Variants in PEX1 observed in about 807,000 individuals in gnomAD.
PEX1 encodes the protein peroxisomal ATPase PEX1.
Under a neutral mutation model 152.5 loss-of-function variants are expected in PEX1, and 97 were observed. The ratio of observed to expected loss-of-function variants is 0.64; its 90% CI spans 0.54 to 0.75. The LOEUF is 0.75. Ranked by LOEUF, PEX1 falls within the 30% of genes least tolerant of loss-of-function variation. The probability of loss-of-function intolerance (pLI) is 0.00; values close to 1 mark genes in which losing one functional copy is unlikely to be tolerated. For synonymous variants in PEX1, 485 were observed against 531.6 expected, an observed-to-expected ratio of 0.91 and a Z score of 1.21; for missense variants, 1,357 against 1,516.3, an observed-to-expected ratio of 0.89 and a Z score of 1.74.
In PEX1 at chr7:92,494,334, C is replaced by T; in HGVS notation, c.2989G>A (p.Gly997Ser). The change falls in exon 19 of 24, where the codon GGT becomes AGT. Residue 997 changes from glycine to serine, a missense_variant. Transcript: ENST00000248633. ...DLIDPALLRP[G>S]RLDKCVYCPP... ...CAGTATACACATTTATCTAGTCGACCAGGCCTAAGCAGGGCAGGGTCAATC... is the reference window on the plus strand; with the variant it reads ...CAGTATACACATTTATCTAGTCGACTAGGCCTAAGCAGGGCAGGGTCAATC... 6.2e-7 allele frequency: 1 copy of T among 1,613,952 alleles called. No individual in the cohort carries two copies. The highest frequency in any genetic ancestry group is 8.5e-7 in the Non-Finnish European group (1 of 1,179,954).
chr7:92,516,001 GAAAA>G (rs1229395805), intron 5 of PEX1, among the ~76,000 whole-genome samples: 25 of 114,210 alleles, frequency 2.2e-4, no homozygotes, highest in African/African-American at 1.0e-3. Context: ...CTCAAAAAAA[GAAAA>G]GAAAAGAGAA....
intron 16 of PEX1, among the ~76,000 whole-genome samples, chr7:92,498,299 T>A (rs1436597411): frequency 6.7e-6 from 1 of 148,990 alleles, no homozygotes; most frequent in East Asian, 2.0e-4. Context: ...AGGTCAGGAG[T>A]TCAAGACCAG....
At chr7:92,506,668 A>G (rs1381768684) in intron 10 of PEX1, 2 of 494,034 alleles carry the variant, frequency 4.0e-6, no homozygotes, top group Non-Finnish European at 7.3e-6. Context: ...TATTTATCAC[A>G]GGTATGCAAG....
At chr7:92,491,759 C>G (rs1044789363) in intron 20 of PEX1, 2 of 452,786 alleles carry the variant, frequency 4.4e-6, no homozygotes, top group Non-Finnish European at 8.0e-6. Context: ...AGACTCAGAC[C>G]TCTGGGCTTT....
chr7:92,513,637 G>C (rs922568225), intron 6 of PEX1, among the ~76,000 whole-genome samples: 1 of 152,064 alleles, frequency 6.6e-6, no homozygotes, highest in Non-Finnish European at 1.5e-5. Flanking sequence ...AGTGGTGATG[G>C]TTGTACAATA....
chr7:92,519,178 A>ATG (rs1792944114), intron 2 of PEX1, 100 bp from the exon 3 acceptor site: 1 of 705,452 alleles, frequency 1.4e-6, no homozygotes, highest in East Asian at 2.7e-5. Flanking sequence ...GGTTAAGTAG[A>ATG]TGTGTGTGTA....
rs771463817 is a variant in PEX1, at chr7:92,492,944, A to G, written c.3207+9T>C. The G allele has an allele frequency of 1.2e-6, 2 of 1,607,868 alleles. No homozygotes were observed. Among genetic ancestry groups the G allele is most frequent in the Non-Finnish European group, 1.7e-6 (2 of 1,174,312 alleles). ...TAAAATGTCATAACAACTTCCTCAT[A>G]TAACTTGCCTGGAGTCCACTCGAGA... On this transcript the variant is annotated intron_variant, in intron 20 of 23. Transcript: ENST00000248633.
Position 92,517,573 on chromosome 7 carries a change from T to C in PEX1, c.942A>G (p.Val314=). 1 of 1,614,100 alleles carries C rather than the reference T, an allele frequency of 6.2e-7. No homozygotes were observed. The highest frequency in any genetic ancestry group is 1.3e-5 in the African/African-American group (1 of 75,042). ...CAAAATATTCCTGGTCCCATGGAAA[T>C]ACATGAATGGCACAGTGTTTATGAA... is the stretch of plus-strand genomic sequence containing the variant. ...SVFHKHCAIH[V]FPWDQEYFDV... Residue 314 remains valine, a synonymous_variant, in exon 5 of 24, where the codon GTA becomes GTG. Transcript: ENST00000248633.
intron 17 of PEX1, 115 bp from the exon 18 acceptor site, chr7:92,494,744 CTTT>C (rs1283680572): frequency 1.1e-5 from 7 of 617,092 alleles, no homozygotes; most frequent in Non-Finnish European, 1.7e-5. Context: ...TTATATACTT[CTTT>C]TAATTTTTAC....
intron 13 of PEX1, 142 bp downstream of exon 13, chr7:92,502,899 C>T (rs1341132129): frequency 6.8e-6 from 5 of 735,030 alleles, no homozygotes; most frequent in Non-Finnish European, 1.2e-5. Flanking sequence ...GCCTCTAGCA[C>T]AATATGCACC....
rs1484321655 is a variant in PEX1, at chr7:92,493,122, C to G, written c.3038G>C (p.Arg1013Pro). The change falls in exon 20 of 24, where the codon CGT (arginine) becomes CCT (proline). Residue 1013 changes from arginine (R) to proline (P), a missense_variant. Arg to Pro is a moderately radical substitution (Grantham distance 103). Transcript: ENST00000248633. ...ACTGAGGACATTTAAAATTTCAAGA[C>G]GTGACACCTGAAAGGAGAAAAATTT... ...VYCPPPDQVSRLEILNVLSDS... is the reference protein window; with the variant it reads ...VYCPPPDQVSPLEILNVLSDS... The G allele has an allele frequency of 6.3e-7, 1 of 1,589,648 alleles. No individual in the cohort carries two copies. Among genetic ancestry groups the G allele is most frequent in the Non-Finnish European group, 8.6e-7 (1 of 1,162,200 alleles).
In PEX1 at chr7:92,509,149, C is replaced by T. The variant is rs553651310; in HGVS notation, c.1670+180G>A. On this transcript the variant is annotated intron_variant, in intron 9 of 23. Transcript: ENST00000248633. ...AAAAATAAAGAGAAAAAAAAAAAGA[C>T]GACAAGGCAAATTATAAGCTAGGCG... Among the ~76,000 whole-genome samples the T allele has an allele frequency of 3.7e-4, 56 of 150,458 alleles. 1 individual carries two copies. The highest frequency in any genetic ancestry group is 3.5e-3 in the Admixed American group (53 of 15,122).
chr7:92,494,347 G>A lies in PEX1; in HGVS notation c.2976C>T (p.Ala992=). ...TATCTAGTCGACCAGGCCTAAGCAG[G>A]GCAGGGTCAATCAAGTCAGGGCGAC... ...ATSRPDLIDP[A]LLRPGRLDKC... Residue 992 remains alanine, a synonymous_variant, in exon 19 of 24, where the codon GCC becomes GCT. Transcript: ENST00000248633. The A allele has an allele frequency of 6.2e-7, 1 of 1,613,918 alleles. No individual in the cohort carries two copies. Among genetic ancestry groups the A allele is most frequent in the Non-Finnish European group, 8.5e-7 (1 of 1,179,976 alleles).
Position 92,494,634 on chromosome 7 carries a change from G to A in PEX1, c.2784-5C>T. ...CAGGGCTTTGCAGCCTGTGCTCTGG[G>A]AAAAACAAACAACATTTCATATTTG... is the stretch of plus-strand genomic sequence containing the variant. On this transcript the variant is annotated splice_polypyrimidine_tract_variant and splice_region_variant and intron_variant, in intron 17 of 23. Coordinates refer to ENST00000248633, the MANE Select transcript of PEX1 (RefSeq NM_000466.3). The A allele has an allele frequency of 6.2e-7, 1 of 1,613,622 alleles. No homozygotes were observed. The highest frequency in any genetic ancestry group is 8.5e-7 in the Non-Finnish European group (1 of 1,179,708).
rs762637959 is a variant in PEX1, at chr7:92,504,761, T to C, written c.2042A>G (p.Asp681Gly). The change falls in exon 12 of 24, where the codon GAT becomes GGT. Residue 681 changes from aspartate to glycine, a missense_variant. By Grantham distance (94) the Asp-to-Gly change is moderately conservative (BLOSUM62 -1). Coordinates refer to ENST00000248633, the MANE Select transcript of PEX1 (RefSeq NM_000466.3). Reference sequence around the variant, plus strand: ...AGCAAGCCGCTGGCTCTGCACCGCATCAGGACTGTGCTCATGTTCCGGGAC... The same window carrying C: ...AGCAAGCCGCTGGCTCTGCACCGCACCAGGACTGTGCTCATGTTCCGGGAC... ...PAVPEHEHSP[D>G]AVQSQRLAHA... The C allele has an allele frequency of 3.1e-5, 50 of 1,614,034 alleles. No homozygotes were observed. In the East Asian group the frequency reaches 1.1e-3, roughly 35 times the overall value.
At chr7:92,511,523 T>G in intron 7 of PEX1, 57 bp downstream of exon 7, 1 of 1,379,694 alleles carries the variant, frequency 7.2e-7, no homozygotes, top group Non-Finnish European at 1.0e-6. Flanking sequence ...GCAAGAACAA[T>G]TAAAAATGTA....
intron 21 of PEX1, among the ~76,000 whole-genome samples, chr7:92,491,011 C>T (rs1017808342): frequency 6.6e-6 from 1 of 152,204 alleles, no homozygotes; most frequent in Non-Finnish European, 1.5e-5. Flanking sequence ...TTTAAAGCCA[C>T]TAGGTAAGAG....
In PEX1 at chr7:92,528,445, G is replaced by A; in HGVS notation, c.-10C>T. 1 of 1,577,676 alleles carries A rather than the reference G, an allele frequency of 6.3e-7. No individual in the cohort carries two copies. Among genetic ancestry groups the A allele is most frequent in the Non-Finnish European group, 8.6e-7 (1 of 1,163,838 alleles). ...GATCGCTGCCCCACATCGTCCCGGA[G>A]CGTCGCTCTGGGTTCGCCCACCCTA... On this transcript the variant is annotated 5_prime_UTR_variant, in exon 1 of 24. Coordinates refer to ENST00000248633, the MANE Select transcript of PEX1 (RefSeq NM_000466.3).
Position 92,502,038 on chromosome 7 carries a change from T to C in PEX1, c.2268A>G (p.Lys756=), listed in dbSNP as rs1434174453. 6 of 1,612,382 alleles carry C rather than the reference T, an allele frequency of 3.7e-6. No individual in the cohort carries two copies. In the African/African-American group the frequency reaches 4.0e-5, roughly 11 times the overall value. ...TGAACTTGTTTATATCACAGTCCAA[T>C]TTATTTTTTATTACATTACACAGAA... The part of the protein sequence containing the change: ...CEILCNVIKN[K]LDCDINKFTD... Residue 756 remains lysine (K), a synonymous_variant, in exon 14 of 24, where the codon AAA becomes AAG. Transcript: ENST00000248633.
Sources: allele counts gnomAD v4.1 joint callset (sites outside exome capture counted in the v4.1 genomes callset), GRCh38; gene constraint gnomAD v4.1.1; transcripts MANE v1.5; gene names NCBI Gene and HGNC (gene_info 2026-07-23, HGNC 2026-07-21).